The following FTO variants were observed in gnomAD, a reference collection of about 807,000 sequenced individuals.
FTO encodes FTO alpha-ketoglutarate dependent dioxygenase, also known as alpha-ketoglutarate-dependent dioxygenase FTO.
FTO carries 47 observed loss-of-function variants against 63.9 expected under a neutral mutation model. The ratio of observed to expected loss-of-function variants is 0.74; its 90% CI spans 0.58 to 0.94. FTO has a LOEUF of 0.94. FTO is among the 40% of genes least tolerant of loss of function. The pLI, the probability that FTO is intolerant of heterozygous loss-of-function variation, is 0.00. For synonymous variants in FTO, 207 were observed against 224.4 expected (o/e 0.92, Z 0.69); for missense variants, 562 against 618.1 (o/e 0.91, Z 0.96).
chr16:54,088,659 A>G (rs1292250684), intron 8 of FTO, among the ~76,000 whole-genome samples: 2 of 152,222 alleles, frequency 1.3e-5, no homozygotes, highest in Non-Finnish European at 2.9e-5. Context: ...TGTTTTCAAT[A>G]GGGGGAAAAT....
chr16:53,960,951 C>G (rs2083065170), intron 8 of FTO, among the ~76,000 whole-genome samples: 1 of 152,138 alleles, frequency 6.6e-6, no homozygotes, highest in Non-Finnish European at 1.5e-5. Flanking sequence ...ATTTTTGTCT[C>G]TTGCAAGCAC....
In FTO at chr16:54,074,681, A is replaced by G. The variant is rs1161633505; in HGVS notation, c.1365-37081A>G. Reference sequence around the variant, plus strand: ...TTTCCCTATCATATAAAATGCTGGGATGAATATCCTTGTCTAAAAATTTTG... The same window carrying G: ...TTTCCCTATCATATAAAATGCTGGGGTGAATATCCTTGTCTAAAAATTTTG... On this transcript the variant is annotated intron_variant, in intron 8 of 8. Transcript: ENST00000471389. Among the ~76,000 whole-genome samples the G allele has an allele frequency of 3.3e-5, 5 of 152,096 alleles. No individual in the cohort carries two copies. In the East Asian group the frequency reaches 9.6e-4, roughly 29 times the overall value.
chr16:53,854,494 G>A (rs1199464114), intron 4 of FTO, among the ~76,000 whole-genome samples: 4 of 152,176 alleles, frequency 2.6e-5, no homozygotes, highest in Non-Finnish European at 5.9e-5. Context: ...CAGGGATCCA[G>A]TTTCATTCTT....
intron 8 of FTO, among the ~76,000 whole-genome samples, chr16:53,947,639 T>A (rs1024020683): frequency 1.3e-5 from 2 of 152,164 alleles, no homozygotes; most frequent in African/African-American, 4.8e-5. Context: ...ACTCGAAAAT[T>A]GCCTACTAAA....
intron 1 of FTO, among the ~76,000 whole-genome samples, chr16:53,727,525 C>T (rs1174759046): frequency 6.6e-6 from 1 of 152,152 alleles, no homozygotes; most frequent in Non-Finnish European, 1.5e-5. Flanking sequence ...CAGTCTTATG[C>T]AATTTATTTT....
At chr16:54,063,261 A>G (rs2085631185) in intron 8 of FTO, among the ~76,000 whole-genome samples, 1 of 152,178 alleles carries the variant, frequency 6.6e-6, no homozygotes, top group Non-Finnish European at 1.5e-5. Context: ...TGAACTGCTG[A>G]TGTTGGTGGC....
At chr16:54,060,541 G>A (rs1383367432) in intron 8 of FTO, among the ~76,000 whole-genome samples, 1 of 152,202 alleles carries the variant, frequency 6.6e-6, no homozygotes, top group African/African-American at 2.4e-5. Flanking sequence ...AGGAAGTAGT[G>A]CTGGGATTTG....
intron 8 of FTO, among the ~76,000 whole-genome samples, chr16:54,058,353 C>T (rs1340648705): frequency 6.6e-6 from 1 of 152,076 alleles, no homozygotes; most frequent in East Asian, 1.9e-4. Context: ...GAACTCCTGA[C>T]TTCAGGTGAT....
chr16:54,089,672 G>A (rs1475550142), intron 8 of FTO, among the ~76,000 whole-genome samples: 1 of 152,090 alleles, frequency 6.6e-6, no homozygotes, highest in Non-Finnish European at 1.5e-5. Flanking sequence ...TGTAAAGAGT[G>A]CCTAAAACTC....
chr16:53,973,107 C>T (rs2083366169), intron 8 of FTO, among the ~76,000 whole-genome samples: 1 of 152,112 alleles, frequency 6.6e-6, no homozygotes. Context: ...GGTTCAGGAT[C>T]CCATATGGCA....
At chr16:53,814,556 A>C (rs2078620749) in intron 2 of FTO, 1 of 152,416 alleles carries the variant, frequency 6.6e-6, no homozygotes, top group Middle Eastern at 3.4e-3. Flanking sequence ...TGTTGGGACT[A>C]GGATTTAAGT....
intron 8 of FTO, among the ~76,000 whole-genome samples, chr16:54,079,400 A>G (rs2086085415): frequency 6.6e-6 from 1 of 152,230 alleles, no homozygotes; most frequent in Non-Finnish European, 1.5e-5. Flanking sequence ...GAAGCCACAG[A>G]AGAAAATACA....
intron 1 of FTO, among the ~76,000 whole-genome samples, chr16:53,725,789 T>C (rs575347235): frequency 6.6e-6 from 1 of 152,276 alleles, no homozygotes; most frequent in African/African-American, 2.4e-5. Context: ...GCCTCTGGTG[T>C]AGACCCACAC....
chr16:53,936,141 A>G (rs906108482), intron 8 of FTO, among the ~76,000 whole-genome samples: 6 of 152,340 alleles, frequency 3.9e-5, no homozygotes, highest in Admixed American at 1.3e-4. Flanking sequence ...TACTGCTAAC[A>G]ATTTAATCAG....
chr16:53,713,251 C>G (rs778126847), intron 1 of FTO, among the ~76,000 whole-genome samples: 15 of 152,128 alleles, frequency 9.9e-5, no homozygotes, highest in African/African-American at 2.7e-4. Flanking sequence ...CACTTGTTTT[C>G]AAGTGTTCTC....
At chr16:53,795,472 C>CGTGT (rs151115931) in intron 1 of FTO, among the ~76,000 whole-genome samples, 8 of 150,702 alleles carry the variant, frequency 5.3e-5, no homozygotes, top group South Asian at 4.2e-4. Context: ...TGTGTGCGTG[C>CGTGT]GTGTGTGTGT....
At chr16:53,940,630 T>C (rs1009683365) in intron 8 of FTO, among the ~76,000 whole-genome samples, 20 of 152,226 alleles carry the variant, frequency 1.3e-4, no homozygotes, top group African/African-American at 4.3e-4. Context: ...CAGGAGTTAC[T>C]GTACTCCCAT....
chr16:54,090,008 T>A (rs2086345206), intron 8 of FTO, among the ~76,000 whole-genome samples: 1 of 152,174 alleles, frequency 6.6e-6, no homozygotes, highest in Non-Finnish European at 1.5e-5. Flanking sequence ...AATTACCATG[T>A]GACCCAGCAA....
chr16:53,841,606 G>A (rs918165641), intron 3 of FTO, among the ~76,000 whole-genome samples: 5 of 152,156 alleles, frequency 3.3e-5, no homozygotes, highest in African/African-American at 9.7e-5. Context: ...GCAAATTAAT[G>A]TGAATGAATA....
Sources: gnomAD v4.1 joint callset for allele counts (sites outside exome capture counted in the v4.1 genomes callset) on GRCh38, gnomAD v4.1.1 for gene constraint, MANE v1.5 for transcripts, NCBI Gene and HGNC (gene_info 2026-07-23, HGNC 2026-07-21) for gene names.